Variants in MBOAT1 observed in about 807,000 individuals in gnomAD.
The protein encoded by MBOAT1 is membrane-bound glycerophospholipid O-acyltransferase 1.
MBOAT1 carries 67 observed loss-of-function variants against 64.4 expected under a neutral mutation model. The ratio of observed to expected loss-of-function variants is 1.04; its 90% confidence interval spans 0.85 to 1.27. The LOEUF is 1.27. Among genes scored for constraint, MBOAT1 ranks in the 50% most tolerant of loss-of-function variants. The probability of loss-of-function intolerance (pLI) is 0.00; values close to 1 mark genes in which losing one functional copy is unlikely to be tolerated. For synonymous variants in MBOAT1, 229 were observed against 218.9 expected (o/e 1.05, Z -0.41); for missense variants, 563 against 604.6 (o/e 0.93, Z 0.72).
At chr6:20,132,565 G>C (rs925385217) in intron 4 of MBOAT1, among the ~76,000 whole-genome samples, 2 of 151,964 alleles carry the variant, frequency 1.3e-5, no homozygotes, top group Non-Finnish European at 2.9e-5. Flanking sequence ...TGAAAGAACA[G>C]AAAAATCAAT....
At chr6:20,130,487 G>A (rs1460040788) in intron 5 of MBOAT1, among the ~76,000 whole-genome samples, 1 of 152,064 alleles carries the variant, frequency 6.6e-6, no homozygotes, top group Non-Finnish European at 1.5e-5. Context: ...CTAAGTTGCT[G>A]GGATTACAGG....
At chr6:20,208,316 C>T (rs1167843623) in intron 1 of MBOAT1, among the ~76,000 whole-genome samples, 5 of 151,736 alleles carry the variant, frequency 3.3e-5, no homozygotes, top group Non-Finnish European at 7.4e-5. Flanking sequence ...TATGGTGGCG[C>T]GCTCCAGTAA....
chr6:20,166,237 C>T (rs1057259678), intron 1 of MBOAT1, among the ~76,000 whole-genome samples: 92 of 152,296 alleles, frequency 6.0e-4, no homozygotes, highest in African/African-American at 2.1e-3. Context: ...TCAACTCATA[C>T]TGAGCTAGCT....
chr6:20,122,252 GC>G (rs1198311532), intron 8 of MBOAT1, among the ~76,000 whole-genome samples: 1 of 152,190 alleles, frequency 6.6e-6, no homozygotes, highest in African/African-American at 2.4e-5. Context: ...ATGCCTACCT[GC>G]TAAAGAAGTC....
At chr6:20,174,167 A>T (rs993679736) in intron 1 of MBOAT1, among the ~76,000 whole-genome samples, 2 of 152,188 alleles carry the variant, frequency 1.3e-5, no homozygotes, top group Non-Finnish European at 2.9e-5. Context: ...ATGGACAGAA[A>T]CATAGCGGTT....
chr6:20,160,744 G>A (rs994984656), intron 1 of MBOAT1, among the ~76,000 whole-genome samples: 12 of 152,170 alleles, frequency 7.9e-5, no homozygotes, highest in Middle Eastern at 3.4e-3. Flanking sequence ...TACTAAAAAC[G>A]CTATTCCTTC....
chr6:20,189,979 T>C (rs796601061), intron 1 of MBOAT1, among the ~76,000 whole-genome samples: 2 of 146,838 alleles, frequency 1.4e-5, no homozygotes, highest in African/African-American at 5.0e-5. Context: ...AAGCTCTAAG[T>C]TTTTTTTTTT....
At chr6:20,147,970 C>T (rs769831086) in intron 3 of MBOAT1, among the ~76,000 whole-genome samples, 2 of 152,206 alleles carry the variant, frequency 1.3e-5, no homozygotes, top group Non-Finnish European at 2.9e-5. Context: ...CACGCTAGGC[C>T]CTCTGCCCCA....
At chr6:20,109,447 C>T in intron 12 of MBOAT1, 151 bp downstream of exon 12, 1 of 925,686 alleles carries the variant, frequency 1.1e-6, no homozygotes. Context: ...AGGACAGCCA[C>T]TTCCTCTTAA....
chr6:20,162,323 C>T (rs1438478602), intron 1 of MBOAT1, among the ~76,000 whole-genome samples: 2 of 152,126 alleles, frequency 1.3e-5, no homozygotes, highest in Admixed American at 1.3e-4. Flanking sequence ...AGGTAAGACT[C>T]AAAGCAAAGG....
intron 4 of MBOAT1, among the ~76,000 whole-genome samples, chr6:20,141,359 CTTTTTTT>C (rs755615744): frequency 0.047 from 4,697 of 99,844 alleles, 284 homozygotes; most frequent in African/African-American, 0.14. Context: ...TTTTCTTTTT[CTTTTTTT>C]TTTTTTTTTT....
intron 1 of MBOAT1, among the ~76,000 whole-genome samples, chr6:20,197,991 T>C (rs1165824896): frequency 6.6e-6 from 1 of 152,106 alleles, no homozygotes; most frequent in Non-Finnish European, 1.5e-5. Flanking sequence ...TTTGGGAGTC[T>C]GAGGCGGGTG....
chr6:20,136,633 C>T (rs1275367674), intron 4 of MBOAT1, among the ~76,000 whole-genome samples: 6 of 152,144 alleles, frequency 3.9e-5, no homozygotes, highest in Admixed American at 1.3e-4. Flanking sequence ...TGATCTCTAT[C>T]GCTAGCAAGA....
intron 1 of MBOAT1, among the ~76,000 whole-genome samples, chr6:20,173,155 T>A (rs1050428469): frequency 1.3e-5 from 2 of 152,236 alleles, no homozygotes; most frequent in African/African-American, 2.4e-5. Flanking sequence ...CCATGCTTCC[T>A]GTACAGCCTG....
At chr6:20,170,290 A>G (rs1762153214) in intron 1 of MBOAT1, among the ~76,000 whole-genome samples, 1 of 152,162 alleles carries the variant, frequency 6.6e-6, no homozygotes, top group Non-Finnish European at 1.5e-5. Flanking sequence ...CACACAGTGA[A>G]CCCTAAGCAT....
intron 1 of MBOAT1, among the ~76,000 whole-genome samples, chr6:20,203,412 TC>T (rs1763176546): frequency 6.6e-6 from 1 of 152,210 alleles, no homozygotes; most frequent in Non-Finnish European, 1.5e-5. Flanking sequence ...GATAAACATT[TC>T]ACTACCAGCA....
At chr6:20,185,571 A>G (rs1365056964) in intron 1 of MBOAT1, among the ~76,000 whole-genome samples, 1 of 152,178 alleles carries the variant, frequency 6.6e-6, no homozygotes, top group East Asian at 1.9e-4. Context: ...TAGACTTGTC[A>G]AGCCTCCATA....
chr6:20,177,610 A>C (rs1762380267), intron 1 of MBOAT1, among the ~76,000 whole-genome samples: 1 of 151,984 alleles, frequency 6.6e-6, no homozygotes, highest in African/African-American at 2.4e-5. Context: ...CGTCTCTACT[A>C]AAAAATACAA....
intron 8 of MBOAT1, among the ~76,000 whole-genome samples, chr6:20,120,096 C>CA (rs1194781676): frequency 6.6e-6 from 1 of 151,786 alleles, no homozygotes; most frequent in Non-Finnish European, 1.5e-5. Flanking sequence ...ATCTTCCTAA[C>CA]AGTGTTGAGA....
Sources: gnomAD v4.1 joint callset for allele counts (sites outside exome capture counted in the v4.1 genomes callset) on GRCh38, gnomAD v4.1.1 for gene constraint, MANE v1.5 for transcripts, NCBI Gene and HGNC (gene_info 2026-07-23, HGNC 2026-07-21) for gene names.